TOX: variants seen among roughly 807,000 people sequenced by gnomAD.
The protein encoded by TOX is thymocyte selection-associated high mobility group box protein TOX.
TOX carries 11 observed loss-of-function variants against 53.7 expected under a neutral mutation model. The ratio of observed to expected loss-of-function variants is 0.20; its 90% CI spans 0.13 to 0.34. TOX has a LOEUF of 0.34. Ranked by LOEUF, TOX falls within the 10% of genes least tolerant of loss-of-function variation. TOX has a pLI of 1.00. For synonymous variants in TOX, 225 were observed against 245.3 expected (o/e 0.92, Z 0.77); for missense variants, 570 against 664.6 (o/e 0.86, Z 1.56).
At chr8:58,911,991 C>A (rs193191337) in intron 3 of TOX, among the ~76,000 whole-genome samples, 1 of 152,196 alleles carries the variant, frequency 6.6e-6, no homozygotes, top group Non-Finnish European at 1.5e-5. Flanking sequence ...CGTGAGCCAC[C>A]GTGCCCGGCC....
intron 1 of TOX, among the ~76,000 whole-genome samples, chr8:59,116,294 G>A (rs765533203): frequency 2.0e-5 from 3 of 152,164 alleles, no homozygotes; most frequent in Non-Finnish European, 4.4e-5. Context: ...TATTCATTAC[G>A]CCTCCGAAGG....
Position 58,928,213 on chromosome 8 carries a change from G to A in TOX, c.411+11089C>T, listed in dbSNP as rs571940898. Among the ~76,000 whole-genome samples, 130 of 152,344 alleles carry A rather than the reference G, an allele frequency of 8.5e-4. 1 individual carries two copies. The highest frequency in any genetic ancestry group is 1.2e-3 in the South Asian group (6 of 4,826). On this transcript the variant is annotated intron_variant, in intron 3 of 8. Transcript: ENST00000361421. ...TATGCGGGAGATGCTGCAGGGAAGC[G>A]CAGCTTCAGAGAAGGCAGAGCGCCC...
chr8:59,058,221 T>C (rs925761353), intron 1 of TOX, among the ~76,000 whole-genome samples: 14 of 152,182 alleles, frequency 9.2e-5, no homozygotes, highest in Admixed American at 2.6e-4. Flanking sequence ...GCACTAGCAT[T>C]TGGAAGGTGG....
intron 3 of TOX, among the ~76,000 whole-genome samples, chr8:58,854,393 C>A (rs185175107): frequency 2.4e-4 from 36 of 152,194 alleles, no homozygotes; most frequent in Non-Finnish European, 4.7e-4. Context: ...GTTCCAAAAG[C>A]TTGAAGCAAT....
intron 1 of TOX, among the ~76,000 whole-genome samples, chr8:59,001,541 T>G (rs1813689058): frequency 6.6e-6 from 1 of 152,184 alleles, no homozygotes; most frequent in South Asian, 2.1e-4. Flanking sequence ...ATTTTGTGTC[T>G]TACTCAGTTA....
chr8:59,077,540 T>C (rs1387295097), intron 1 of TOX, among the ~76,000 whole-genome samples: 1 of 151,936 alleles, frequency 6.6e-6, no homozygotes, highest in Non-Finnish European at 1.5e-5. Flanking sequence ...CTTAAAGAGA[T>C]CCCTGAATAA....
At chr8:58,888,172 T>A (rs1442686653) in intron 3 of TOX, among the ~76,000 whole-genome samples, 1 of 152,094 alleles carries the variant, frequency 6.6e-6, no homozygotes, top group Non-Finnish European at 1.5e-5. Context: ...CGGTCCACTG[T>A]TGACTGAAAT....
chr8:58,912,316 C>A (rs1811922400), intron 3 of TOX, among the ~76,000 whole-genome samples: 1 of 152,162 alleles, frequency 6.6e-6, no homozygotes, highest in South Asian at 2.1e-4. Flanking sequence ...ACTGAAGACC[C>A]AATTCAATTC....
At chr8:58,872,064 AT>A (rs1180708382) in intron 3 of TOX, among the ~76,000 whole-genome samples, 7 of 150,962 alleles carry the variant, frequency 4.6e-5, no homozygotes, top group African/African-American at 1.5e-4. Flanking sequence ...AGTCTGGAGC[AT>A]TTTTTTTTCA....
rs564898761 is a variant in TOX, at chr8:59,047,473, C to T, written c.102+71413G>A. On this transcript the variant is annotated intron_variant, in intron 1 of 8. Transcript: ENST00000361421. ...CGATCTCCTGACCTCGTGATCCGCC[C>T]GCCTCGGCCTCCCAAAGTGCTGGGA... Among the ~76,000 whole-genome samples, 464 of 151,910 alleles carry T rather than the reference C, an allele frequency of 3.1e-3. 7 individuals carry two copies. Among genetic ancestry groups the T allele is most frequent in the Non-Finnish European group, 3.8e-3 (259 of 67,948 alleles).
chr8:58,894,954 C>A (rs879854963), intron 3 of TOX, among the ~76,000 whole-genome samples: 2 of 151,732 alleles, frequency 1.3e-5, no homozygotes, highest in African/African-American at 4.8e-5. Context: ...CTTTGGGAGG[C>A]GGAGGCAGGG....
At chr8:59,076,199 C>T (rs1586004627) in intron 1 of TOX, among the ~76,000 whole-genome samples, 1 of 152,138 alleles carries the variant, frequency 6.6e-6, no homozygotes, top group African/African-American at 2.4e-5. Flanking sequence ...TCAGTGGATA[C>T]CCCTGAGACG....
intron 3 of TOX, among the ~76,000 whole-genome samples, chr8:58,861,276 A>T (rs2129169143): frequency 6.6e-6 from 1 of 152,286 alleles, no homozygotes; most frequent in African/African-American, 2.4e-5. Flanking sequence ...AGCTCTGGGG[A>T]TCATGTGGTC....
chr8:59,068,031 A>AT (rs1293838555), intron 1 of TOX, among the ~76,000 whole-genome samples: 1 of 152,228 alleles, frequency 6.6e-6, no homozygotes, highest in African/African-American at 2.4e-5. Flanking sequence ...ATTGGGGACA[A>AT]TAATGGAGTG....
At chr8:59,048,164 C>T (rs1479175474) in intron 1 of TOX, among the ~76,000 whole-genome samples, 4 of 152,192 alleles carry the variant, frequency 2.6e-5, no homozygotes, top group South Asian at 2.1e-4. Context: ...AGCTACTCAG[C>T]GCCTCAGAAT....
At chr8:58,888,213 A>G (rs1032387785) in intron 3 of TOX, among the ~76,000 whole-genome samples, 5 of 152,102 alleles carry the variant, frequency 3.3e-5, no homozygotes, top group Admixed American at 6.6e-5. Context: ...TGTATTTCAT[A>G]CATTCTGAAA....
intron 1 of TOX, among the ~76,000 whole-genome samples, chr8:58,981,792 T>C (rs1813210395): frequency 6.6e-6 from 1 of 152,158 alleles, no homozygotes; most frequent in Non-Finnish European, 1.5e-5. Context: ...CTTTCTTCCT[T>C]CTTTCTTTTT....
intron 1 of TOX, among the ~76,000 whole-genome samples, chr8:59,017,508 A>G (rs1212635549): frequency 2.0e-5 from 3 of 152,220 alleles, no homozygotes; most frequent in African/African-American, 7.2e-5. Context: ...GTATTGAATG[A>G]CTTGTTTGTC....
At chr8:59,063,232 A>G (rs1804021392) in intron 1 of TOX, among the ~76,000 whole-genome samples, 1 of 152,198 alleles carries the variant, frequency 6.6e-6, no homozygotes, top group East Asian at 1.9e-4. Flanking sequence ...ATATGGGCTA[A>G]TTCAAAGGAG....
Sources: allele counts gnomAD v4.1 joint callset (sites outside exome capture counted in the v4.1 genomes callset), GRCh38; gene constraint gnomAD v4.1.1; transcripts MANE v1.5; gene names NCBI Gene and HGNC (gene_info 2026-07-23, HGNC 2026-07-21).